Variants in RAB6B observed in about 807,000 individuals in gnomAD.
The protein encoded by RAB6B is RAB6B, member RAS oncogene family, also known as ras-related protein Rab-6B.
RAB6B carries 7 observed loss-of-function variants against 31.2 expected under a neutral mutation model. The observed-to-expected ratio is 0.22, with a 90% CI of 0.13 to 0.42. RAB6B has a LOEUF of 0.42. RAB6B is among the 10% of genes least tolerant of loss of function. The pLI, the probability that RAB6B is intolerant of heterozygous loss-of-function variation, is 1.00. For missense variants in RAB6B, 149 were observed against 280.6 expected, an observed-to-expected ratio of 0.53 and a Z score of 3.35; for synonymous variants, 105 against 104.9, an observed-to-expected ratio of 1.00 and a Z score of -0.01.
At chr3:133,893,405 G>C (rs1465315479) in intron 1 of RAB6B, among the ~76,000 whole-genome samples, 1 of 152,192 alleles carries the variant, frequency 6.6e-6, no homozygotes, top group Non-Finnish European at 1.5e-5. Context: ...ATATGGGAGA[G>C]GTGGTGGGTT....
chr3:133,871,187 G>A (rs1936318201), intron 1 of RAB6B, among the ~76,000 whole-genome samples: 1 of 152,248 alleles, frequency 6.6e-6, no homozygotes, highest in African/African-American at 2.4e-5. Flanking sequence ...TAGTGACAAA[G>A]CAGATGCACC....
At chr3:133,841,192 GTGCACACACA>G (rs1247848084) in intron 4 of RAB6B, 83 bp downstream of exon 4, 1 of 1,022,928 alleles carries the variant, frequency 9.8e-7, no homozygotes, top group African/African-American at 1.8e-5. Flanking sequence ...ACACATGCGT[GTGCACACACA>G]TGCACACAGG....
rs544728168 is a variant in RAB6B at position 133,861,495 on chromosome 3, C to T, written c.129+3089G>A. ...GAGAGGTCTGTAGAACCCAGCTCCA[C>T]ACACCCAGGTCCTCATGCCAGCCCC... is the stretch of plus-strand genomic sequence containing the variant. On this transcript the variant is annotated intron_variant, in intron 2 of 7. Transcript: ENST00000285208. Among the ~76,000 whole-genome samples, 34 of 152,338 alleles carry T rather than the reference C, an allele frequency of 2.2e-4. No homozygotes were observed. In the South Asian group the frequency reaches 6.2e-3, roughly 28 times the overall value.
chr3:133,895,756 C>T lies in RAB6B; in HGVS notation c.-290G>A, dbSNP rs1936703567. ...GGGCGCGCTCTTTACGCCCGAGGCG[C>T]GGCGCTGGGAGAGAGGCGCGGGCGG... On this transcript the variant is annotated 5_prime_UTR_variant, in exon 1 of 8. Coordinates refer to ENST00000285208, the MANE Select transcript of RAB6B (RefSeq NM_016577.4). The T allele has an allele frequency of 2.4e-6, 1 of 419,670 alleles. No homozygotes were observed. Among genetic ancestry groups the T allele is most frequent in the Non-Finnish European group, 4.2e-6 (1 of 239,480 alleles). 26.0% of individuals were successfully genotyped at this position (419,670 alleles called of 1,614,324 possible).
At chr3:133,849,086 C>T (rs573953417) in intron 2 of RAB6B, among the ~76,000 whole-genome samples, 3 of 152,270 alleles carry the variant, frequency 2.0e-5, no homozygotes, top group African/African-American at 7.2e-5. Flanking sequence ...TGGGCCTTTT[C>T]TAATAATGTC....
intron 1 of RAB6B, among the ~76,000 whole-genome samples, chr3:133,864,994 A>G (rs1203081482): frequency 6.6e-6 from 1 of 152,216 alleles, no homozygotes; most frequent in East Asian, 1.9e-4. Context: ...TGGGTGCAAA[A>G]CAGGAGGCTC....
chr3:133,849,158 T>G (rs1935944644), intron 2 of RAB6B, among the ~76,000 whole-genome samples: 1 of 152,218 alleles, frequency 6.6e-6, no homozygotes, highest in South Asian at 2.1e-4. Context: ...ATTCACCTCC[T>G]CTACAAATCA....
At chr3:133,867,983 C>A (rs941041704) in intron 1 of RAB6B, among the ~76,000 whole-genome samples, 2 of 152,168 alleles carry the variant, frequency 1.3e-5, no homozygotes, top group Admixed American at 1.3e-4. Context: ...GTGTGTTACA[C>A]CCCTGCAGTG....
At chr3:133,866,949 G>A (rs954305495) in intron 1 of RAB6B, among the ~76,000 whole-genome samples, 1 of 152,266 alleles carries the variant, frequency 6.6e-6, no homozygotes, top group African/African-American at 2.4e-5. Context: ...AGGGTGGGGA[G>A]ATGGATGGGA....
chr3:133,828,905 A>C, intron 7 of RAB6B, 53 bp from the exon 8 acceptor site: 1 of 1,488,860 alleles, frequency 6.7e-7, no homozygotes, highest in Non-Finnish European at 9.2e-7. Flanking sequence ...CTGCCACCCC[A>C]CTTAGCCCTG....
At chr3:133,838,692 G>C (rs574451883) in intron 5 of RAB6B, among the ~76,000 whole-genome samples, 3 of 152,328 alleles carry the variant, frequency 2.0e-5, no homozygotes, top group African/African-American at 7.2e-5. Context: ...ACTTAGCAGA[G>C]AGGGCTCCAT....
chr3:133,894,907 G>A (rs1337376799), intron 1 of RAB6B, among the ~76,000 whole-genome samples: 5 of 152,220 alleles, frequency 3.3e-5, no homozygotes. Context: ...GTTCCCAGCA[G>A]GGTCCGCAGG....
intron 2 of RAB6B, among the ~76,000 whole-genome samples, chr3:133,858,589 A>C (rs1936115207): frequency 6.6e-6 from 1 of 152,156 alleles, no homozygotes; most frequent in Non-Finnish European, 1.5e-5. Flanking sequence ...TCCTCTTCTT[A>C]TAAGGACACC....
intron 2 of RAB6B, among the ~76,000 whole-genome samples, chr3:133,846,725 T>G (rs1322864130): frequency 6.6e-6 from 1 of 152,092 alleles, no homozygotes; most frequent in African/African-American, 2.4e-5. Context: ...GAAACAATGG[T>G]AAGAATTATA....
chr3:133,864,686 G>T, intron 1 of RAB6B, 44 bp from the exon 2 acceptor site: 2 of 1,555,894 alleles, frequency 1.3e-6, no homozygotes, highest in Non-Finnish European at 1.8e-6. Context: ...TGGCATCTGA[G>T]CTAGGCTCTT....
chr3:133,880,740 G>GCCCTGCCCCTGC (rs10663133), intron 1 of RAB6B, among the ~76,000 whole-genome samples: 1 of 151,746 alleles, frequency 6.6e-6, no homozygotes, highest in South Asian at 2.1e-4. Flanking sequence ...GAGGGCACAG[G>GCCCTGCCCCTGC]CCCTGCCCCT....
Position 133,838,204 on chromosome 3 carries a change from T to C in RAB6B, c.457A>G (p.Ile153Val), listed in dbSNP as rs1417399223. 3.7e-6 allele frequency: 6 copies of C among 1,614,106 alleles called. No individual in the cohort carries two copies. The highest frequency in any genetic ancestry group is 1.3e-5 in the African/African-American group (1 of 74,936). Residue 153 changes from isoleucine (I) to valine (V), a missense_variant, in exon 6 of 8, where the codon ATT (isoleucine) becomes GTT (valine). Physicochemically the swap from Ile to Val is conservative, Grantham distance 29. Around this residue, in one of 2 missense-constraint regions of RAB6B, gnomAD observed 74 missense variants for 100.5 expected, o/e 0.74. Coordinates refer to ENST00000285208, the MANE Select transcript of RAB6B (RefSeq NM_016577.4). ...TAGCCAGTCTTCGCACTGGTCTCAA[T>C]GAACATGACGCTCAGTTCTTTGGCG... ...QRAKELSVMF[I>V]ETSAKTGYNV...
intron 1 of RAB6B, among the ~76,000 whole-genome samples, chr3:133,893,069 C>A (rs1437172052): frequency 6.6e-6 from 1 of 152,246 alleles, no homozygotes; most frequent in Admixed American, 6.5e-5. Context: ...GCCCATCTCA[C>A]TGATAGCAGT....
intron 2 of RAB6B, among the ~76,000 whole-genome samples, chr3:133,856,230 CA>C (rs995358167): frequency 2.5e-4 from 38 of 152,080 alleles, no homozygotes; most frequent in Non-Finnish European, 4.4e-4. Context: ...CATGTGCTGA[CA>C]AAGAAGTGGA....
Sources: gnomAD v4.1 joint callset for allele counts (sites outside exome capture counted in the v4.1 genomes callset) on GRCh38, gnomAD v4.1.1 for gene constraint, gnomAD v4.1.1 regional missense constraint, MANE v1.5 for transcripts, NCBI Gene and HGNC (gene_info 2026-07-23, HGNC 2026-07-21) for gene names.